Variants in ECT2L observed in about 807,000 individuals in gnomAD.
The protein encoded by ECT2L is epithelial cell transforming 2 like.
Under a neutral mutation model 122.8 loss-of-function variants are expected in ECT2L, and 126 were observed. The ratio of observed to expected loss-of-function variants is 1.03; its 90% CI spans 0.89 to 1.19. ECT2L has a LOEUF of 1.19. ECT2L is among the 50% of genes most tolerant of loss of function. The probability of loss-of-function intolerance (pLI) is 0.00; values close to 1 mark genes in which losing one functional copy is unlikely to be tolerated. For synonymous variants in ECT2L, 385 were observed against 381.8 expected, an observed-to-expected ratio of 1.01 and a Z score of -0.10; for missense variants, 1,012 against 1,064.1, an observed-to-expected ratio of 0.95 and a Z score of 0.68.
intron 4 of ECT2L, among the ~76,000 whole-genome samples, chr6:138,825,126 A>T (rs1776400611): frequency 6.6e-6 from 1 of 152,188 alleles, no homozygotes. Flanking sequence ...AGCTGCCCTC[A>T]GGATGGGATA....
chr6:138,807,086 G>A (rs1008086645), intron 1 of ECT2L, among the ~76,000 whole-genome samples: 3 of 151,548 alleles, frequency 2.0e-5, no homozygotes, highest in South Asian at 2.1e-4. Flanking sequence ...AAGAGAAAGA[G>A]GAAGGGTTGG....
At chr6:138,834,761 T>C (rs1776763740) in intron 4 of ECT2L, among the ~76,000 whole-genome samples, 2 of 152,162 alleles carry the variant, frequency 1.3e-5, no homozygotes, top group African/African-American at 4.8e-5. Flanking sequence ...TCAGCTTGAA[T>C]GTTAATCTCT....
In ECT2L at chr6:138,838,452, A is replaced by C. The variant is rs1776921966; in HGVS notation, c.280A>C (p.Ser94Arg). Residue 94 changes from serine to arginine, a missense_variant, in exon 5 of 22, where the codon AGT becomes CGT. By Grantham distance (110) the Ser-to-Arg change is moderately radical (BLOSUM62 -1). Transcript: ENST00000541398. Reference protein sequence around the residue: ...FISLYIFSFLSPKDLCAAAQV... With the variant: ...FISLYIFSFLRPKDLCAAAQV... ...TTCTCTATATATCTTTTCCTTTTTG[A>C]GTCCGAAAGATTTGTGTGCCGCTGC... 6.2e-7 allele frequency: 1 copy of C among 1,613,750 alleles called. No homozygotes were observed. The highest frequency in any genetic ancestry group is 8.5e-7 in the Non-Finnish European group (1 of 1,179,954).
chr6:138,829,786 G>A lies in ECT2L; in HGVS notation c.180-8566G>A, dbSNP rs571135144. Among the ~76,000 whole-genome samples the A allele has an allele frequency of 4.6e-5, 7 of 151,500 alleles. No homozygotes were observed. In the East Asian group the frequency reaches 1.2e-3, roughly 25 times the overall value. ...TTCCCAGGCTGGAGTGCAGTGGCAC[G>A]ATCTCAGTTCACTGCAACCTCCGCC... On this transcript the variant is annotated intron_variant, in intron 4 of 21. Transcript: ENST00000541398.
At chr6:138,854,494 C>G (rs1423355390) in intron 10 of ECT2L, among the ~76,000 whole-genome samples, 1 of 152,056 alleles carries the variant, frequency 6.6e-6, no homozygotes, top group Non-Finnish European at 1.5e-5. Context: ...GAAAACACCC[C>G]CTGCCGCCTT....
chr6:138,844,345 ATC>A (rs1777144761), intron 6 of ECT2L, 65 bp from the exon 7 acceptor site: 29 of 1,557,946 alleles, frequency 1.9e-5, no homozygotes, highest in Non-Finnish European at 2.5e-5. Flanking sequence ...TGATGCCTTT[ATC>A]TGTGTGGACT....
At chr6:138,844,694 T>C (rs116963615) in intron 7 of ECT2L, 114 bp downstream of exon 7, 16,867 of 933,002 alleles carry the variant, frequency 0.018, 207 homozygotes, top group Middle Eastern at 0.028. Context: ...GCTCATATCC[T>C]ATGAAATATC....
At chr6:138,892,557 A>T (rs956675867) in intron 20 of ECT2L, among the ~76,000 whole-genome samples, 1 of 152,054 alleles carries the variant, frequency 6.6e-6, no homozygotes, top group Non-Finnish European at 1.5e-5. Context: ...GCAGTGGTGC[A>T]ATCTAGGCTC....
At chr6:138,838,089 A>G (rs1343446251) in intron 4 of ECT2L, among the ~76,000 whole-genome samples, 2 of 152,034 alleles carry the variant, frequency 1.3e-5, no homozygotes, top group Admixed American at 6.5e-5. Flanking sequence ...TTTAGTAGAG[A>G]CAGAGTTTTG....
At position 138,849,289 on chromosome 6, in the gene ECT2L, G is replaced by A. The variant is rs774440304; in HGVS notation, c.924G>A (p.Lys308=). The part of the protein sequence containing the change: ...PAYEMVMESV[K]AGVVSVVYEH... The stretch of plus-strand genomic sequence containing the variant: ...TCCAGATGGTGATGGAGAGTGTGAA[G>A]GCTGGTGTTGTTTCTGTGGTATATG... Residue 308 remains lysine (K), a synonymous_variant, in exon 9 of 22, where the codon AAG becomes AAA. Coordinates refer to ENST00000541398, the MANE Select transcript of ECT2L (RefSeq NM_001077706.3). The A allele has an allele frequency of 6.6e-5, 107 of 1,612,994 alleles. No homozygotes were observed. The highest frequency in any genetic ancestry group is 8.6e-5 in the Non-Finnish European group (102 of 1,179,656).
chr6:138,814,633 TTGA>T (rs763989937), intron 4 of ECT2L, 30 bp downstream of exon 4: 77 of 1,359,922 alleles, frequency 5.7e-5, no homozygotes, highest in Middle Eastern at 1.8e-4. Flanking sequence ...GTAATTAACA[TTGA>T]TTCTTAAAGA....
At chr6:138,849,963 G>T (rs1455554793) in intron 9 of ECT2L, among the ~76,000 whole-genome samples, 3 of 152,072 alleles carry the variant, frequency 2.0e-5, no homozygotes, top group Non-Finnish European at 4.4e-5. Flanking sequence ...TCACATTGTT[G>T]TGAAACAGCT....
Position 138,868,121 on chromosome 6 carries a change from C to T in ECT2L, c.1493C>T (p.Thr498Ile), listed in dbSNP as rs1212086496. 1 of 1,610,784 alleles carries T rather than the reference C, an allele frequency of 6.2e-7. No homozygotes were observed. Among genetic ancestry groups the T allele is most frequent in the Admixed American group, 1.7e-5 (1 of 59,712 alleles). Residue 498 changes from threonine (T) to isoleucine (I), a missense_variant, in exon 13 of 22, where the codon ACC becomes ATC. Thr to Ile is a moderately conservative substitution (Grantham distance 89, BLOSUM62 -1). Coordinates refer to ENST00000541398, the MANE Select transcript of ECT2L (RefSeq NM_001077706.3). The stretch of plus-strand genomic sequence containing the variant: ...TTTACAGGGCAGTTTATGTTTGACA[C>T]CATGGGTATGACCAACATTCTAAAC... ...GRMIGQFMFD[T>I]MGMTNILNNQ...
intron 14 of ECT2L, among the ~76,000 whole-genome samples, chr6:138,877,768 T>A (rs1278078206): frequency 6.6e-6 from 1 of 152,030 alleles, no homozygotes; most frequent in African/African-American, 2.4e-5. Context: ...ACCCTGTCTC[T>A]ACAAAAAAAT....
At chr6:138,894,952 T>A (rs1254634983) in intron 20 of ECT2L, among the ~76,000 whole-genome samples, 2 of 152,158 alleles carry the variant, frequency 1.3e-5, no homozygotes, top group Admixed American at 6.6e-5. Flanking sequence ...AATTTAAATG[T>A]AATTTCAAAT....
At chr6:138,895,083 A>T (rs1315986490) in intron 20 of ECT2L, among the ~76,000 whole-genome samples, 4 of 151,976 alleles carry the variant, frequency 2.6e-5, no homozygotes, top group African/African-American at 7.3e-5. Context: ...ACATAGTTGG[A>T]CCCCGTCTCT....
At chr6:138,811,582 G>T (rs764373455) in intron 1 of ECT2L, among the ~76,000 whole-genome samples, 1 of 152,300 alleles carries the variant, frequency 6.6e-6, no homozygotes, top group East Asian at 1.9e-4. Flanking sequence ...GGTGCAGCTC[G>T]CATCTGTAAT....
intron 13 of ECT2L, among the ~76,000 whole-genome samples, chr6:138,871,128 T>C (rs1446046866): frequency 1.3e-5 from 2 of 152,180 alleles, no homozygotes; most frequent in South Asian, 2.1e-4. Flanking sequence ...GCATTCTTGT[T>C]TACATGAAAT....
chr6:138,849,590 T>TA (rs1554273819), intron 9 of ECT2L, among the ~76,000 whole-genome samples, 156 bp downstream of exon 9: 5 of 149,050 alleles, frequency 3.4e-5, no homozygotes, highest in African/African-American at 7.6e-5. Context: ...TTTTTTTTTT[T>TA]AATTCAGGGT....
Sources: allele counts gnomAD v4.1 joint callset (sites outside exome capture counted in the v4.1 genomes callset), GRCh38; gene constraint gnomAD v4.1.1; transcripts MANE v1.5; gene names NCBI Gene and HGNC (gene_info 2026-07-23, HGNC 2026-07-21).